PDE1C: variants seen among roughly 807,000 people sequenced by gnomAD.
PDE1C encodes the protein phosphodiesterase 1C.
In PDE1C, 62 loss-of-function variants were observed where a neutral mutation model predicts 93.1. That is an observed-to-expected ratio of 0.67 (90% CI 0.54 to 0.82). The LOEUF (loss-of-function observed/expected upper bound fraction) is 0.82. PDE1C is among the 40% of genes least tolerant of loss of function. The probability of loss-of-function intolerance (pLI) is 0.00; values close to 1 mark genes in which losing one functional copy is unlikely to be tolerated. For missense variants in PDE1C, 742 were observed against 884.6 expected (o/e 0.84, Z 2.04); for synonymous variants, 325 against 310.1 (o/e 1.05, Z -0.50).
At chr7:31,863,407 T>C (rs1794905073) in intron 7 of PDE1C, among the ~76,000 whole-genome samples, 2 of 152,310 alleles carry the variant, frequency 1.3e-5, no homozygotes, top group Non-Finnish European at 2.9e-5. Flanking sequence ...TATTGCATAC[T>C]GCATTCTTGA....
the PDE1C span, among the ~76,000 whole-genome samples, chr7:31,649,835 G>A: frequency 6.6e-6 from 1 of 152,272 alleles, no homozygotes; most frequent in African/African-American, 2.4e-5. Flanking sequence ...AAGGTAAATA[G>A]CTTTAGTTAA....
the PDE1C span, among the ~76,000 whole-genome samples, chr7:31,715,235 G>A: frequency 6.6e-6 from 1 of 151,256 alleles, no homozygotes; most frequent in South Asian, 2.1e-4. Context: ...TTAATTATAT[G>A]TAAAGGCCTC....
intron 1 of PDE1C, among the ~76,000 whole-genome samples, chr7:32,065,557 T>C (rs572111727): frequency 2.0e-5 from 3 of 152,032 alleles, no homozygotes; most frequent in African/African-American, 4.8e-5. Context: ...TTCAAATTGC[T>C]GAAAGTTAAG....
intron 1 of PDE1C, among the ~76,000 whole-genome samples, chr7:32,279,523 A>C (rs1811493003): frequency 6.6e-6 from 1 of 152,182 alleles, no homozygotes; most frequent in African/African-American, 2.4e-5. Context: ...TTTGCTAATT[A>C]CCCTGATTTG....
the PDE1C span, among the ~76,000 whole-genome samples, chr7:31,681,647 C>G: frequency 0.87 from 131,938 of 152,124 alleles, 57,564 homozygotes; most frequent in African/African-American, 0.96. Flanking sequence ...CTTAAAAGAT[C>G]CATGCTGTCT....
chr7:31,681,354 TGGATGGATGGATGGAC>T, the PDE1C span, among the ~76,000 whole-genome samples: 1 of 128,712 alleles, frequency 7.8e-6, no homozygotes, highest in African/African-American at 3.1e-5. Context: ...GTTGGATGGA[TGGATGGATGGATGGAC>T]GGATGGATGG....
chr7:32,219,322 T>C (rs914628579), intron 1 of PDE1C, among the ~76,000 whole-genome samples: 2 of 152,210 alleles, frequency 1.3e-5, no homozygotes, highest in Non-Finnish European at 2.9e-5. Context: ...GGGAGCAGAC[T>C]GAGATGCATC....
chr7:31,999,579 A>T lies in PDE1C; in HGVS notation c.128+51975T>A, dbSNP rs140808415. Reference sequence around the variant, plus strand: ...TCAAGATAAGCCTCATATGACATTGATAAATTATTAAATCTGTTGATTGCA... The same window carrying T: ...TCAAGATAAGCCTCATATGACATTGTTAAATTATTAAATCTGTTGATTGCA... On this transcript the variant is annotated intron_variant, in intron 2 of 17. Coordinates refer to ENST00000396191, the MANE Select transcript of PDE1C (RefSeq NM_001191057.4). Among the ~76,000 whole-genome samples the T allele has an allele frequency of 3.9e-3, 587 of 152,310 alleles. 1 individual carries two copies. The highest frequency in any genetic ancestry group is 0.02 in the Middle Eastern group (6 of 294).
the PDE1C span, among the ~76,000 whole-genome samples, chr7:31,714,170 C>T: frequency 6.6e-6 from 1 of 152,190 alleles, no homozygotes; most frequent in Non-Finnish European, 1.5e-5. Flanking sequence ...GAATGCTTTG[C>T]TGCTTAGAAA....
At chr7:31,961,110 T>A (rs1195926623) in intron 2 of PDE1C, among the ~76,000 whole-genome samples, 1 of 152,090 alleles carries the variant, frequency 6.6e-6, no homozygotes, top group East Asian at 1.9e-4. Flanking sequence ...ATTAATTAAG[T>A]TTAAAGATGA....
chr7:31,815,674 GGCTA>G (rs67040768), intron 15 of PDE1C, among the ~76,000 whole-genome samples: 28,693 of 151,982 alleles, frequency 0.19, 2,828 homozygotes, highest in Middle Eastern at 0.34. Context: ...GGCAGGCACT[GGCTA>G]GAGTCTCCAG....
the PDE1C span, among the ~76,000 whole-genome samples, chr7:31,697,981 A>G: frequency 6.6e-6 from 1 of 152,212 alleles, no homozygotes; most frequent in Non-Finnish European, 1.5e-5. Flanking sequence ...AGATGAGATG[A>G]CTAGATGGAC....
At chr7:31,900,137 G>A (rs1421024501) in intron 2 of PDE1C, among the ~76,000 whole-genome samples, 1 of 152,042 alleles carries the variant, frequency 6.6e-6, no homozygotes, top group Admixed American at 6.6e-5. Flanking sequence ...AAAAAGAAAT[G>A]TTCAAAAGTA....
intron 17 of PDE1C, among the ~76,000 whole-genome samples, chr7:31,772,045 CAAA>C (rs34055758): frequency 6.0e-5 from 7 of 116,466 alleles, no homozygotes; most frequent in Non-Finnish European, 5.4e-5. Flanking sequence ...GACTCCGTCT[CAAA>C]AAAAAAAAAA....
chr7:32,159,532 G>A lies in PDE1C; in HGVS notation c.308+10253C>T, dbSNP rs1041895856. Among the ~76,000 whole-genome samples the A allele has an allele frequency of 2.6e-5, 4 of 152,124 alleles. No individual in the cohort carries two copies. In the East Asian group the frequency reaches 5.8e-4, roughly 22 times the overall value. ...TGGAAAGTTGTAAGGGGTGACATAT[G>A]GTGTTTTTGAGATATTTCCCAGTGT... On this transcript the variant is annotated intron_variant, in intron 3 of 18. Transcript: ENST00000396193.
chr7:31,780,421 G>A (rs537380805), intron 16 of PDE1C, among the ~76,000 whole-genome samples: 9 of 152,238 alleles, frequency 5.9e-5, no homozygotes, highest in Admixed American at 2.6e-4. Context: ...TAGACTGCAC[G>A]TCTGCTTATT....
chr7:31,689,226 A>G, the PDE1C span, among the ~76,000 whole-genome samples: 2 of 152,194 alleles, frequency 1.3e-5, no homozygotes, highest in Non-Finnish European at 2.9e-5. Context: ...CTGAACCAAT[A>G]AGTGGAAAGA....
chr7:32,052,224 C>T (rs559759473), intron 1 of PDE1C: 2 of 454,300 alleles, frequency 4.4e-6, no homozygotes, highest in South Asian at 1.6e-5. Context: ...GCATTAGGAA[C>T]CATCCCCAGG....
chr7:32,027,607 T>TAAAAAAAAAAA lies in PDE1C; in HGVS notation c.128+23936_128+23946dup, dbSNP rs551660766. ...AAAAAAAAAAAACTATCAAAAATGG[T>TAAAAAAAAAAA]AAAAAAAAAAAAAAAAAAAAAAAAA... On this transcript the variant is annotated intron_variant, in intron 2 of 17. Transcript: ENST00000396191. 3.3e-4 allele frequency among the ~76,000 whole-genome samples: 26 copies of TAAAAAAAAAAA among 78,494 alleles called. 1 individual carries two copies. The highest frequency in any genetic ancestry group is 2.8e-3 in the East Asian group (6 of 2,176). The allele number at this position is 78,494 out of a possible 152,430, so 51.5% of individuals were successfully genotyped here. A position where few individuals can be genotyped will look rare whatever the true frequency, so the allele number is the denominator to read the frequency against.
Sources: allele counts gnomAD v4.1 joint callset (sites outside exome capture counted in the v4.1 genomes callset), GRCh38; gene constraint gnomAD v4.1.1; transcripts MANE v1.5; gene names NCBI Gene and HGNC (gene_info 2026-07-23, HGNC 2026-07-21).